CORIN: variants seen among roughly 807,000 people sequenced by gnomAD.
CORIN encodes corin, serine peptidase.
CORIN carries 117 observed loss-of-function variants against 125.3 expected under a neutral mutation model. That is an observed-to-expected ratio of 0.93 (90% confidence interval 0.80 to 1.09). The LOEUF is 1.09. Ranked by LOEUF, CORIN falls within the 50% of genes least tolerant of loss-of-function variation. The probability of loss-of-function intolerance (pLI) is 0.00; values close to 1 mark genes in which losing one functional copy is unlikely to be tolerated. For missense variants in CORIN, 1,253 were observed against 1,306.7 expected (o/e 0.96, Z 0.63); for synonymous variants, 450 against 466.4 (o/e 0.96, Z 0.45).
At chr4:47,653,219 A>G (rs1723814590) in intron 13 of CORIN, among the ~76,000 whole-genome samples, 1 of 152,210 alleles carries the variant, frequency 6.6e-6, no homozygotes, top group Admixed American at 6.5e-5. Context: ...TCATAGGTAC[A>G]TATGTGTAGG....
intron 13 of CORIN, among the ~76,000 whole-genome samples, chr4:47,651,571 G>A (rs1723731948): frequency 6.6e-6 from 1 of 152,218 alleles, no homozygotes; most frequent in South Asian, 2.1e-4. Context: ...TCTATTGTTA[G>A]TCACTTTGGA....
At chr4:47,667,745 T>C (rs6815562) in intron 10 of CORIN, among the ~76,000 whole-genome samples, 11 of 152,148 alleles carry the variant, frequency 7.2e-5, no homozygotes, top group African/African-American at 2.7e-4. Context: ...GGCATAATCT[T>C]GAGGATGAGT....
intron 1 of CORIN, among the ~76,000 whole-genome samples, chr4:47,821,953 A>G (rs969254441): frequency 6.6e-6 from 1 of 152,168 alleles, no homozygotes; most frequent in African/African-American, 2.4e-5. Context: ...TGTGGATGTG[A>G]ATTAAGGGAT....
intron 13 of CORIN, among the ~76,000 whole-genome samples, chr4:47,646,043 C>CAAAAAAA (rs1165408037): frequency 9.1e-5 from 9 of 98,494 alleles, no homozygotes; most frequent in East Asian, 3.2e-4. Context: ...CCACCTGTCT[C>CAAAAAAA]AAAAAAAAAA....
intron 6 of CORIN, among the ~76,000 whole-genome samples, chr4:47,691,871 C>T (rs1042590752): frequency 2.6e-5 from 4 of 152,088 alleles, no homozygotes; most frequent in Admixed American, 2.0e-4. Context: ...AGCGTCCTAG[C>T]CCATCAGATG....
At chr4:47,809,107 G>T (rs1731934989) in intron 1 of CORIN, among the ~76,000 whole-genome samples, 1 of 152,170 alleles carries the variant, frequency 6.6e-6, no homozygotes, top group Non-Finnish European at 1.5e-5. Context: ...CCCTGAACAA[G>T]TCTGTTACGA....
intron 3 of CORIN, among the ~76,000 whole-genome samples, chr4:47,775,694 G>T (rs1455871335): frequency 1.3e-5 from 2 of 152,144 alleles, no homozygotes; most frequent in East Asian, 1.9e-4. Context: ...GAGGGAGAAA[G>T]TTGGCACCTG....
At chr4:47,731,541 G>C (rs34202666) in intron 5 of CORIN, among the ~76,000 whole-genome samples, 14,920 of 152,172 alleles carry the variant, frequency 0.098, 865 homozygotes, top group East Asian at 0.27. Flanking sequence ...TGGAAGTCAG[G>C]TGAAGAGTTT....
At chr4:47,726,334 T>G (rs1405044182) in intron 5 of CORIN, among the ~76,000 whole-genome samples, 2 of 152,016 alleles carry the variant, frequency 1.3e-5, no homozygotes, top group Non-Finnish European at 2.9e-5. Context: ...AATAAACAAA[T>G]TGAGGTACAG....
At chr4:47,729,044 T>A (rs1577869050) in intron 5 of CORIN, among the ~76,000 whole-genome samples, 1 of 152,044 alleles carries the variant, frequency 6.6e-6, no homozygotes, top group African/African-American at 2.4e-5. Context: ...AGAGAACAGG[T>A]AGTATTTAGG....
At chr4:47,701,877 T>C (rs1248161309) in intron 5 of CORIN, among the ~76,000 whole-genome samples, 1 of 152,074 alleles carries the variant, frequency 6.6e-6, no homozygotes, top group Non-Finnish European at 1.5e-5. Flanking sequence ...TTTTTTTAAA[T>C]CGTTGGAAAA....
In CORIN at chr4:47,642,919, C is replaced by T. The variant is rs1019875878; in HGVS notation, c.2068+227G>A. The T allele has an allele frequency of 1.5e-5, 22 of 1,511,990 alleles. No individual in the cohort carries two copies. The Admixed American group carries it at 4.1e-4, about 28-fold the overall frequency. The allele number at this position is 1,511,990 out of a possible 1,614,324, so 93.7% of individuals were successfully genotyped here. A position where few individuals can be genotyped will look rare whatever the true frequency, so the allele number is the denominator to read the frequency against. ...ATGATTACAACATTTTGAACCCAAACGTTTTTCCATACAATATAGATATTT... is the reference window on the plus strand; with the variant it reads ...ATGATTACAACATTTTGAACCCAAATGTTTTTCCATACAATATAGATATTT... On this transcript the variant is annotated intron_variant, in intron 15 of 21. Coordinates refer to ENST00000273857, the MANE Select transcript of CORIN (RefSeq NM_006587.4).
intron 19 of CORIN, among the ~76,000 whole-genome samples, chr4:47,619,843 G>C (rs1241726838): frequency 2.6e-5 from 4 of 152,180 alleles, no homozygotes; most frequent in Non-Finnish European, 5.9e-5. Flanking sequence ...ACTCTTGCTA[G>C]TGTAACCTTC....
intron 19 of CORIN, among the ~76,000 whole-genome samples, chr4:47,607,528 T>C (rs1354945712): frequency 6.6e-6 from 1 of 152,152 alleles, no homozygotes; most frequent in Non-Finnish European, 1.5e-5. Flanking sequence ...TGAAAAATAA[T>C]GTCTCTTTTG....
Position 47,744,597 on chromosome 4 carries a change from A to G in CORIN, c.618-14T>C, listed in dbSNP as rs765260323. 2.5e-5 allele frequency: 39 copies of G among 1,552,148 alleles called. No homozygotes were observed. Among genetic ancestry groups the G allele is most frequent in the South Asian group, 4.9e-5 (4 of 82,204 alleles). On this transcript the variant is annotated splice_polypyrimidine_tract_variant and intron_variant, in intron 4 of 21. Coordinates refer to ENST00000273857, the MANE Select transcript of CORIN (RefSeq NM_006587.4). Reference sequence around the variant, plus strand: ...AGGAGTCCATGACTAAAAAAAAAAAAAGAGAAAGGTGAAAATTAGTGTCTT... The same window carrying G: ...AGGAGTCCATGACTAAAAAAAAAAAGAGAGAAAGGTGAAAATTAGTGTCTT...
Position 47,620,737 on chromosome 4 carries a change from C to T in CORIN, c.2540+2834G>A, listed in dbSNP as rs574645602. ...CCTTTCGGTGTCTTACTGGTTGATG[C>T]CAGGCATAGTTCTTAAAGCTCTACA... On this transcript the variant is annotated intron_variant, in intron 19 of 21. Coordinates refer to ENST00000273857, the MANE Select transcript of CORIN (RefSeq NM_006587.4). Among the ~76,000 whole-genome samples, 4 of 152,282 alleles carry T rather than the reference C, an allele frequency of 2.6e-5. No individual in the cohort carries two copies. The South Asian group carries it at 8.3e-4, about 32-fold the overall frequency.
chr4:47,613,640 G>A (rs1343355789), intron 19 of CORIN, among the ~76,000 whole-genome samples: 1 of 151,452 alleles, frequency 6.6e-6, no homozygotes, highest in African/African-American at 2.4e-5. Flanking sequence ...AAAAAATGAT[G>A]AGTTCATGTC....
intron 7 of CORIN, 117 bp from the exon 8 acceptor site, chr4:47,680,368 A>G: frequency 1.5e-6 from 1 of 680,180 alleles, no homozygotes; most frequent in South Asian, 1.8e-5. Context: ...TACCTTCAAT[A>G]ACATTTCTAC....
chr4:47,777,092 T>C (rs1489446823), intron 3 of CORIN, among the ~76,000 whole-genome samples: 1 of 152,248 alleles, frequency 6.6e-6, no homozygotes, highest in Non-Finnish European at 1.5e-5. Flanking sequence ...GCAAGGCAGT[T>C]AGTAGACAAC....
Sources: gnomAD v4.1 joint callset for allele counts (sites outside exome capture counted in the v4.1 genomes callset) on GRCh38, gnomAD v4.1.1 for gene constraint, MANE v1.5 for transcripts, NCBI Gene and HGNC (gene_info 2026-07-23, HGNC 2026-07-21) for gene names.